Variants in WASF1 observed in about 807,000 individuals in gnomAD.
The protein encoded by WASF1 is actin-binding protein WASF1.
Under a neutral mutation model 50.5 loss-of-function variants are expected in WASF1, and 7 were observed. That is an observed-to-expected ratio of 0.14 (90% CI 0.08 to 0.26). The LOEUF (loss-of-function observed/expected upper bound fraction) is 0.26. Ranked by LOEUF, WASF1 falls within the 10% of genes least tolerant of loss-of-function variation. The pLI is 1.00. For missense variants in WASF1, 470 were observed against 694.7 expected, an observed-to-expected ratio of 0.68 and a Z score of 3.64; for synonymous variants, 205 against 244.0, an observed-to-expected ratio of 0.84 and a Z score of 1.49.
At chr6:110,133,199 T>C (rs1172738842) in intron 3 of WASF1, among the ~76,000 whole-genome samples, 2 of 152,112 alleles carry the variant, frequency 1.3e-5, no homozygotes, top group Non-Finnish European at 2.9e-5. Context: ...TGCTGCTATA[T>C]ACATACTACA....
At chr6:110,114,646 T>G (rs888556825) in intron 4 of WASF1, among the ~76,000 whole-genome samples, 2 of 151,800 alleles carry the variant, frequency 1.3e-5, no homozygotes, top group African/African-American at 4.8e-5. Context: ...ACCTGGAAAA[T>G]TTAATGGCAG....
intron 3 of WASF1, among the ~76,000 whole-genome samples, chr6:110,145,861 C>T (rs947006883): frequency 1.3e-5 from 2 of 151,826 alleles, no homozygotes; most frequent in African/African-American, 4.8e-5. Context: ...ACCATCATTT[C>T]TCAGCAAACT....
chr6:110,153,509 A>T (rs1159396177), intron 3 of WASF1, among the ~76,000 whole-genome samples: 1 of 152,162 alleles, frequency 6.6e-6, no homozygotes, highest in Non-Finnish European at 1.5e-5. Context: ...TTCTCACTGT[A>T]TCCTCACCCA....
intron 7 of WASF1, 115 bp from the exon 8 acceptor site, chr6:110,105,694 A>T (rs906134668): frequency 1.0e-6 from 1 of 976,328 alleles, no homozygotes; most frequent in Non-Finnish European, 1.5e-6. Flanking sequence ...ATGTCATCAT[A>T]ATATAGTAAA....
chr6:110,102,490 GCTTA>G (rs1773138964), intron 9 of WASF1, among the ~76,000 whole-genome samples: 1 of 151,980 alleles, frequency 6.6e-6, no homozygotes. Flanking sequence ...GATATTTTAT[GCTTA>G]CTTTAATAAA....
At chr6:110,140,273 GTA>G (rs771424520) in intron 3 of WASF1, among the ~76,000 whole-genome samples, 5 of 152,300 alleles carry the variant, frequency 3.3e-5, no homozygotes, top group Admixed American at 2.0e-4. Flanking sequence ...CTGGAAAGTG[GTA>G]TGTCCTGGAA....
intron 2 of WASF1, among the ~76,000 whole-genome samples, chr6:110,176,924 G>A (rs1332381739): frequency 1.3e-5 from 2 of 152,050 alleles, no homozygotes; most frequent in Non-Finnish European, 2.9e-5. Context: ...CACTGTTTTG[G>A]TAAAAGTGCT....
At chr6:110,151,824 T>C (rs1249929248) in intron 3 of WASF1, among the ~76,000 whole-genome samples, 2 of 152,142 alleles carry the variant, frequency 1.3e-5, no homozygotes, top group Non-Finnish European at 2.9e-5. Context: ...TAGTTCTATT[T>C]CCCCACTGGA....
intron 3 of WASF1, among the ~76,000 whole-genome samples, chr6:110,128,905 T>A (rs1224323486): frequency 6.6e-6 from 1 of 152,118 alleles, no homozygotes; most frequent in Non-Finnish European, 1.5e-5. Context: ...GGGGTCTAGG[T>A]TGCATGCTCC....
intron 3 of WASF1, among the ~76,000 whole-genome samples, chr6:110,137,482 G>A (rs367872849): frequency 6.6e-5 from 10 of 152,292 alleles, no homozygotes; most frequent in Admixed American, 2.6e-4. Context: ...TCTATTTTGC[G>A]CCTTAAAGGA....
chr6:110,119,389 C>T (rs977307259), intron 4 of WASF1, among the ~76,000 whole-genome samples: 2 of 152,138 alleles, frequency 1.3e-5, no homozygotes, highest in Non-Finnish European at 2.9e-5. Context: ...ATACAAACTA[C>T]CATCAGAGAA....
At chr6:110,178,309 T>C (rs1317507695) in intron 2 of WASF1, among the ~76,000 whole-genome samples, 1 of 152,202 alleles carries the variant, frequency 6.6e-6, no homozygotes, top group African/African-American at 2.4e-5. Context: ...AACAGAAACT[T>C]AGAGCATAAA....
At chr6:110,106,988 G>A in intron 7 of WASF1, 89 bp downstream of exon 7, 1 of 948,552 alleles carries the variant, frequency 1.1e-6, no homozygotes, top group Non-Finnish European at 1.6e-6. Context: ...AAATAAAACT[G>A]TCAAAATACA....
In WASF1 at chr6:110,103,433, G is replaced by C; in HGVS notation, c.838C>G (p.Pro280Ala). 2 of 1,613,896 alleles carry C rather than the reference G, an allele frequency of 1.2e-6. No homozygotes were observed. The highest frequency in any genetic ancestry group is 8.5e-7 in the Non-Finnish European group (1 of 1,179,888). The change falls in exon 9 of 11, where the codon CCA (proline) becomes GCA (alanine). Residue 280 changes from proline to alanine, a missense_variant. Coordinates refer to ENST00000392589, the MANE Select transcript of WASF1 (RefSeq NM_003931.3). ...CCTGCTCCATGCATTGGTGGAGGTGGAGGTGGTTCATGTGGTCTGACTAAT... is the reference window on the plus strand; with the variant it reads ...CCTGCTCCATGCATTGGTGGAGGTGCAGGTGGTTCATGTGGTCTGACTAAT... ...RVLVRPHEPP[P>A]PPPMHGAGDA... is the part of the protein sequence containing the mutation.
intron 2 of WASF1, among the ~76,000 whole-genome samples, chr6:110,170,415 G>T (rs965591106): frequency 1.3e-5 from 2 of 152,084 alleles, no homozygotes; most frequent in Admixed American, 1.3e-4. Flanking sequence ...GTAGAGACAA[G>T]GTTTCACTGT....
At chr6:110,139,485 C>G (rs974137360) in intron 3 of WASF1, among the ~76,000 whole-genome samples, 1 of 152,252 alleles carries the variant, frequency 6.6e-6, no homozygotes, top group Non-Finnish European at 1.5e-5. Context: ...CTTTTAACTT[C>G]AGAGCACTGA....
intron 5 of WASF1, among the ~76,000 whole-genome samples, chr6:110,112,764 G>C (rs1247338731): frequency 3.3e-5 from 5 of 151,920 alleles, no homozygotes; most frequent in African/African-American, 1.2e-4. Context: ...GCCAGGCGTG[G>C]TGGCAGACAC....
chr6:110,178,874 G>A (rs1177698786), intron 1 of WASF1, 132 bp from the exon 2 acceptor site: 1 of 152,500 alleles, frequency 6.6e-6, no homozygotes, highest in Non-Finnish European at 1.5e-5. Context: ...CTCTGCCCAA[G>A]GCAGCCCCCA....
intron 3 of WASF1, among the ~76,000 whole-genome samples, chr6:110,155,656 ATGTG>A (rs1776038338): frequency 1.4e-5 from 1 of 72,574 alleles, no homozygotes; most frequent in Admixed American, 1.5e-4. Flanking sequence ...GCACCCACTA[ATGTG>A]TCATCTAGCA....
Sources: gnomAD v4.1 joint callset for allele counts (sites outside exome capture counted in the v4.1 genomes callset) on GRCh38, gnomAD v4.1.1 for gene constraint, MANE v1.5 for transcripts, NCBI Gene and HGNC (gene_info 2026-07-23, HGNC 2026-07-21) for gene names.